The following ANO4 variants were observed in gnomAD, a reference collection of about 807,000 sequenced individuals.
ANO4 encodes the protein anoctamin 4, also known as anoctamin-4.
ANO4 carries 69 observed loss-of-function variants against 141.9 expected under a neutral mutation model. The observed-to-expected ratio is 0.49, with a 90% CI of 0.40 to 0.59. ANO4 has a LOEUF of 0.59. Ranked by LOEUF, ANO4 falls within the 20% of genes least tolerant of loss-of-function variation. ANO4 has a pLI of 0.00. For synonymous variants in ANO4, 350 were observed against 394.3 expected, an observed-to-expected ratio of 0.89 and a Z score of 1.33; for missense variants, 894 against 1,162.2, an observed-to-expected ratio of 0.77 and a Z score of 3.36.
At chr12:100,790,329 T>C (rs569957471), upstream of ANO4, among the ~76,000 whole-genome samples, 1 of 152,336 alleles carries the variant, frequency 6.6e-6, no homozygotes, top group South Asian at 2.1e-4. Flanking sequence ...ATTATATTTG[T>C]TGTATTTTAG....
chr12:100,764,523 A>T (rs998783240), intron 3 of ANO4, among the ~76,000 whole-genome samples: 3 of 152,218 alleles, frequency 2.0e-5, no homozygotes, highest in Admixed American at 2.0e-4. Context: ...TTCTCCTTGC[A>T]AACTCTAATA....
At chr12:100,752,236 A>G (rs1231151962) in intron 3 of ANO4, among the ~76,000 whole-genome samples, 1 of 152,084 alleles carries the variant, frequency 6.6e-6, no homozygotes. Context: ...GTTAATAGTA[A>G]AATGCTATGT....
rs71691565 is a variant in ANO4 at position 100,815,753 on chromosome 12, A to ATGTG, written c.-141+20740_-141+20743dup. On this transcript the variant is annotated intron_variant, in intron 1 of 27. Transcript: ENST00000392977. ...ATTTAGCAAATAACTTTACATATAT[A>ATGTG]TGTGTGTGTGTGTGTGTTTGTGTGT... 7.3e-5 allele frequency among the ~76,000 whole-genome samples: 11 copies of ATGTG among 150,546 alleles called. No homozygotes were observed. The South Asian group carries it at 1.5e-3, about 20-fold the overall frequency.
intron 3 of ANO4, among the ~76,000 whole-genome samples, chr12:100,747,718 C>CA (rs1467566990): frequency 2.6e-5 from 4 of 152,000 alleles, no homozygotes; most frequent in African/African-American, 9.7e-5. Flanking sequence ...ACTAAAAATA[C>CA]AAAAATTAGC....
chr12:101,051,149 A>G (rs908972143), intron 14 of ANO4, among the ~76,000 whole-genome samples: 4 of 152,134 alleles, frequency 2.6e-5, no homozygotes, highest in Non-Finnish European at 5.9e-5. Context: ...TGGATTGCAT[A>G]CCCTCTTTGC....
intron 1 of ANO4, among the ~76,000 whole-genome samples, chr12:100,836,716 A>G (rs1254079136): frequency 1.3e-5 from 2 of 152,116 alleles, no homozygotes; most frequent in Non-Finnish European, 2.9e-5. Flanking sequence ...GAAAAGGAAA[A>G]GGGATTCTAG....
intron 1 of ANO4, among the ~76,000 whole-genome samples, chr12:100,847,394 C>T (rs138416329): frequency 2.2e-3 from 340 of 151,904 alleles, no homozygotes; most frequent in African/African-American, 7.6e-3. Context: ...GTTTGGTTTT[C>T]CTTATTTCTT....
At chr12:100,850,412 T>C (rs550270801) in intron 1 of ANO4, among the ~76,000 whole-genome samples, 1 of 152,338 alleles carries the variant, frequency 6.6e-6, no homozygotes, top group South Asian at 2.1e-4. Flanking sequence ...CACTTTCTGA[T>C]AGAATTTCAC....
intron 3 of ANO4, among the ~76,000 whole-genome samples, chr12:100,928,549 C>G (rs938237135): frequency 1.3e-5 from 2 of 152,114 alleles, no homozygotes; most frequent in African/African-American, 4.8e-5. Context: ...GAACTCAGGT[C>G]TGTCTGAATC....
intron 3 of ANO4, among the ~76,000 whole-genome samples, chr12:100,750,757 C>CA (rs1410758584): frequency 6.6e-6 from 1 of 152,098 alleles, no homozygotes; most frequent in African/African-American, 2.4e-5. Context: ...TATAAGTGTC[C>CA]AAACGTTTCC....
chr12:100,990,147 AT>A (rs1288032566), intron 8 of ANO4, among the ~76,000 whole-genome samples: 1 of 151,894 alleles, frequency 6.6e-6, no homozygotes, highest in African/African-American at 2.4e-5. Context: ...CAAAGGGAGG[AT>A]ATATGAGATA....
At chr12:100,866,003 A>G (rs2038735828) in intron 1 of ANO4, among the ~76,000 whole-genome samples, 1 of 152,130 alleles carries the variant, frequency 6.6e-6, no homozygotes, top group Admixed American at 6.5e-5. Context: ...CCTGTCTTCT[A>G]CAAGTGCCTT....
intron 8 of ANO4, among the ~76,000 whole-genome samples, chr12:101,006,690 G>A (rs143246834): frequency 9.9e-5 from 15 of 152,272 alleles, no homozygotes; most frequent in African/African-American, 3.6e-4. Context: ...AGCAAGCAAA[G>A]CAACTTGCAG....
At chr12:101,117,906 T>G (rs892045444) in intron 25 of ANO4, among the ~76,000 whole-genome samples, 4 of 152,106 alleles carry the variant, frequency 2.6e-5, no homozygotes, top group African/African-American at 9.7e-5. Context: ...AGTGACAGCA[T>G]ACCCTCCACC....
At chr12:100,943,825 ATTGCATT>A (rs2042608393) in intron 5 of ANO4, among the ~76,000 whole-genome samples, 1 of 152,182 alleles carries the variant, frequency 6.6e-6, no homozygotes, top group African/African-American at 2.4e-5. Context: ...GTCTCAGACA[ATTGCATT>A]TTTTTCTTAA....
At chr12:101,120,748 C>A in intron 26 of ANO4, 123 bp downstream of exon 26, 2 of 714,448 alleles carry the variant, frequency 2.8e-6, no homozygotes, top group South Asian at 1.9e-5. Context: ...GTAGTAGTGT[C>A]ATATTATGTA....
At position 100,822,019 on chromosome 12, in the gene ANO4, G is replaced by A. The variant is rs548080837; in HGVS notation, c.-141+26992G>A. Among the ~76,000 whole-genome samples, 8 of 151,888 alleles carry A rather than the reference G, an allele frequency of 5.3e-5. No homozygotes were observed. The East Asian group carries it at 1.6e-3, about 30-fold the overall frequency. The stretch of plus-strand genomic sequence containing the variant: ...TTGCTTGATGGAAAAACAGTTTTGG[G>A]CATCTTTAGTGTTCTGGTCCACAGC... On this transcript the variant is annotated intron_variant, in intron 1 of 27. Coordinates refer to ENST00000392977, the MANE Select transcript of ANO4 (RefSeq NM_001286615.2).
chr12:100,970,715 TTCCTTCCTTCC>T (rs2043893652), intron 5 of ANO4, among the ~76,000 whole-genome samples: 2 of 135,754 alleles, frequency 1.5e-5, no homozygotes, highest in African/African-American at 5.4e-5. Context: ...CCTTCCTTCC[TTCCTTCCTTCC>T]TTCTTTCTTT....
chr12:100,864,509 G>T (rs552270563), intron 1 of ANO4, among the ~76,000 whole-genome samples: 4 of 152,146 alleles, frequency 2.6e-5, no homozygotes, highest in South Asian at 2.1e-4. Context: ...TCTCACCCCC[G>T]CATTGATTGC....
Sources: gnomAD v4.1 joint callset for allele counts (sites outside exome capture counted in the v4.1 genomes callset) on GRCh38, gnomAD v4.1.1 for gene constraint, MANE v1.5 for transcripts, NCBI Gene and HGNC (gene_info 2026-07-23, HGNC 2026-07-21) for gene names.